CDC16: variants seen among roughly 807,000 people sequenced by gnomAD.
The protein encoded by CDC16 is cell division cycle 16, also known as cell division cycle protein 16 homolog.
CDC16 carries 34 observed loss-of-function variants against 87.0 expected under a neutral mutation model. The ratio of observed to expected loss-of-function variants is 0.39; its 90% CI spans 0.30 to 0.52. The LOEUF is 0.52. Ranked by LOEUF, CDC16 falls within the 20% of genes least tolerant of loss-of-function variation. CDC16 has a pLI of 0.74. For missense variants in CDC16, 653 were observed against 751.9 expected (o/e 0.87, Z 1.54); for synonymous variants, 263 against 260.6 (o/e 1.01, Z -0.09).
chr13:114,268,545 T>G (rs1411921541), intron 17 of CDC16, among the ~76,000 whole-genome samples: 1 of 152,128 alleles, frequency 6.6e-6, no homozygotes, highest in Non-Finnish European at 1.5e-5. Context: ...GAGGCTGAAG[T>G]GAAGTTACAC....
At chr13:114,239,631 C>T in intron 5 of CDC16, 141 bp downstream of exon 5, 1 of 1,230,764 alleles carries the variant, frequency 8.1e-7, no homozygotes. Flanking sequence ...CCACCAAAAC[C>T]AAAAAAGATT....
chr13:114,244,662 A>T (rs540862729), intron 8 of CDC16: 1 of 356,270 alleles, frequency 2.8e-6, no homozygotes, highest in Non-Finnish European at 5.0e-6. Context: ...AATGTATGTG[A>T]TAATGTTTAT....
intron 14 of CDC16, among the ~76,000 whole-genome samples, chr13:114,260,683 T>G (rs1358228716): frequency 6.6e-6 from 1 of 152,226 alleles, no homozygotes. Flanking sequence ...AATGTCAAAA[T>G]GCTCATTAAA....
At chr13:114,248,982 G>A (rs1252287638) in intron 11 of CDC16, among the ~76,000 whole-genome samples, 1 of 151,884 alleles carries the variant, frequency 6.6e-6, no homozygotes, top group African/African-American at 2.4e-5. Context: ...AGGGTGGGGG[G>A]ACTGGTTTCT....
chr13:114,260,033 A>G (rs1040233780), intron 14 of CDC16, among the ~76,000 whole-genome samples: 1 of 152,162 alleles, frequency 6.6e-6, no homozygotes, highest in Non-Finnish European at 1.5e-5. Context: ...TTGCATAGTA[A>G]GAGATTTGCA....
intron 14 of CDC16, among the ~76,000 whole-genome samples, chr13:114,259,981 T>A (rs2082739376): frequency 1.3e-5 from 2 of 152,374 alleles, no homozygotes; most frequent in Middle Eastern, 6.8e-3. Flanking sequence ...GTGTATATAC[T>A]GATATTACTT....
Position 114,257,094 on chromosome 13 carries a change from C to T in CDC16, c.1114C>T (p.Leu372=). 1 of 1,594,006 alleles carries T rather than the reference C, an allele frequency of 6.3e-7. No individual in the cohort carries two copies. Among genetic ancestry groups the T allele is most frequent in the Non-Finnish European group, 8.6e-7 (1 of 1,166,192 alleles). Residue 372 remains leucine, a synonymous_variant, in exon 13 of 18, where the codon CTG becomes TTG. Coordinates refer to ENST00000356221, the MANE Select transcript of CDC16 (RefSeq NM_001078645.3). ...ATTTTTTAGGTGTCATTTGCCTATG[C>T]TGTATATTGGATTAGAATATGGTTT... ...QLMKGCHLPM[L]YIGLEYGLTN...
chr13:114,236,680 A>G lies in CDC16; in HGVS notation c.84A>G (p.Lys28=). ...QYQSALFWAD[K]VASLSREEPQ... ...AAAGTGCTCTATTTTGGGCAGATAAAGTAGCTTCACTCTCTCGTGGTAAGT... is the reference window on the plus strand; with the variant it reads ...AAAGTGCTCTATTTTGGGCAGATAAGGTAGCTTCACTCTCTCGTGGTAAGT... The change falls in exon 2 of 18, where the codon AAA becomes AAG. Residue 28 remains lysine, a synonymous_variant. Coordinates refer to ENST00000356221, the MANE Select transcript of CDC16 (RefSeq NM_001078645.3). The G allele has an allele frequency of 6.2e-7, 1 of 1,613,768 alleles. No individual in the cohort carries two copies. The highest frequency in any genetic ancestry group is 1.1e-5 in the South Asian group (1 of 91,080).
At position 114,243,842 on chromosome 13, in the gene CDC16, T is replaced by C; in HGVS notation, c.634-14T>C. ...TGCTCATTGAGTTTATGTTTACATT[T>C]CTATGTGTTTCAGTATAATAAGCCT... On this transcript the variant is annotated splice_polypyrimidine_tract_variant and intron_variant, in intron 7 of 17. Coordinates refer to ENST00000356221, the MANE Select transcript of CDC16 (RefSeq NM_001078645.3). 6.3e-7 allele frequency: 1 copy of C among 1,598,306 alleles called. No homozygotes were observed. Among genetic ancestry groups the C allele is most frequent in the Non-Finnish European group, 8.5e-7 (1 of 1,171,434 alleles).
intron 17 of CDC16, among the ~76,000 whole-genome samples, chr13:114,271,271 A>G (rs769721384): frequency 5.9e-5 from 9 of 152,156 alleles, no homozygotes; most frequent in Non-Finnish European, 1.2e-4. Flanking sequence ...GCATGTCATT[A>G]TCTGCCAAAC....
Position 114,242,266 on chromosome 13 carries a change from T to C in CDC16, c.527T>C (p.Leu176Pro). The change falls in exon 6 of 18, where the codon CTG (leucine) becomes CCG (proline). Residue 176 changes from leucine to proline, a missense_variant. By Grantham distance (98) the Leu-to-Pro change is moderately conservative. Coordinates refer to ENST00000356221, the MANE Select transcript of CDC16 (RefSeq NM_001078645.3). ...AFDLLTSHHM[L>P]TAQEEKELLE... ...GATCTTTTAACATCACATCACATGC[T>C]GACAGCACAAGAAGGTTTGGAAACT... 2 of 1,611,770 alleles carry C rather than the reference T, an allele frequency of 1.2e-6. No individual in the cohort carries two copies. The highest frequency in any genetic ancestry group is 1.7e-6 in the Non-Finnish European group (2 of 1,179,386).
intron 1 of CDC16, among the ~76,000 whole-genome samples, chr13:114,235,902 T>C (rs1019223092): frequency 5.9e-5 from 9 of 152,210 alleles, no homozygotes; most frequent in African/African-American, 1.9e-4. Context: ...GTGAGGAATA[T>C]GACAGGCCCG....
chr13:114,265,956 C>G lies in CDC16; in HGVS notation c.1603+716C>G, dbSNP rs565374717. On this transcript the variant is annotated intron_variant, in intron 17 of 17. Transcript: ENST00000356221. ...TCAGCCTCCTGAGTAGCTTGGATTACAGGCATGTGCTACCACGCCTAGCTA... is the reference window on the plus strand; with the variant it reads ...TCAGCCTCCTGAGTAGCTTGGATTAGAGGCATGTGCTACCACGCCTAGCTA... Among the ~76,000 whole-genome samples, 5 of 152,292 alleles carry G rather than the reference C, an allele frequency of 3.3e-5. No individual in the cohort carries two copies. The East Asian group carries it at 9.6e-4, about 29-fold the overall frequency.
chr13:114,244,343 G>C (rs2081729423), intron 8 of CDC16, among the ~76,000 whole-genome samples: 1 of 152,206 alleles, frequency 6.6e-6, no homozygotes, highest in South Asian at 2.1e-4. Context: ...GCACGCAGTA[G>C]CTAAGCCATC....
chr13:114,245,017 C>T, intron 9 of CDC16, 48 bp downstream of exon 9: 2 of 1,131,928 alleles, frequency 1.8e-6, no homozygotes, highest in Non-Finnish European at 2.6e-6. Flanking sequence ...TAAAACAAAT[C>T]TTTTCTGTAA....
At chr13:114,268,691 G>A (rs1010353475) in intron 17 of CDC16, among the ~76,000 whole-genome samples, 20 of 152,188 alleles carry the variant, frequency 1.3e-4, no homozygotes, top group Non-Finnish European at 1.5e-5. Context: ...ATGGTGGTGT[G>A]TGCCTCTAGT....
At chr13:114,259,546 T>A (rs1422833764) in intron 14 of CDC16, 148 bp downstream of exon 14, 1 of 501,456 alleles carries the variant, frequency 2.0e-6, no homozygotes, top group African/African-American at 2.0e-5. Flanking sequence ...GCATTGTCAG[T>A]TAACTGTTTT....
Position 114,243,308 on chromosome 13 carries a change from A to G in CDC16, c.593A>G (p.Gln198Arg). 1 of 1,594,076 alleles carries G rather than the reference A, an allele frequency of 6.3e-7. No homozygotes were observed. Among genetic ancestry groups the G allele is most frequent in the Non-Finnish European group, 8.6e-7 (1 of 1,162,164 alleles). Residue 198 changes from glutamine (Q) to arginine (R), a missense_variant, in exon 7 of 18, where the codon CAG becomes CGG. Gln to Arg is a conservative substitution (Grantham distance 43). Coordinates refer to ENST00000356221, the MANE Select transcript of CDC16 (RefSeq NM_001078645.3). Reference protein sequence around the residue: ...LPLSKLCNEEQELLRFLFENK... With the variant: ...LPLSKLCNEERELLRFLFENK... ...CTTAGCAAGCTGTGTAATGAAGAAC[A>G]GGAATTGCTGCGTTTTCTATTTGAG...
At chr13:114,268,745 A>G (rs1248619331) in intron 17 of CDC16, among the ~76,000 whole-genome samples, 2 of 152,226 alleles carry the variant, frequency 1.3e-5, no homozygotes, top group Non-Finnish European at 2.9e-5. Context: ...ACTGGAGCCC[A>G]GGAGATCAAA....
Sources: allele counts gnomAD v4.1 joint callset (sites outside exome capture counted in the v4.1 genomes callset), GRCh38; gene constraint gnomAD v4.1.1; transcripts MANE v1.5; gene names NCBI Gene and HGNC (gene_info 2026-07-23, HGNC 2026-07-21).